CSMD1: variants seen among roughly 807,000 people sequenced by gnomAD.
The protein encoded by CSMD1 is CUB and sushi domain-containing protein 1.
In CSMD1, 213 loss-of-function variants were observed where a neutral mutation model predicts 417.5. The ratio of observed to expected loss-of-function variants is 0.51; its 90% CI spans 0.46 to 0.57. The LOEUF (loss-of-function observed/expected upper bound fraction) is 0.57. Ranked by LOEUF, CSMD1 falls within the 20% of genes least tolerant of loss-of-function variation. The pLI is 0.00. For synonymous variants in CSMD1, 2,862 were observed against 1,736.8 expected (o/e 1.65, Z -16.11); for missense variants, 6,923 against 4,529.7 (o/e 1.53, Z -15.17).
chr8:4,158,105 T>G (rs1199075087), intron 3 of CSMD1, among the ~76,000 whole-genome samples: 1 of 142,910 alleles, frequency 7.0e-6, no homozygotes, highest in Non-Finnish European at 1.5e-5. Context: ...TTTTTTTTTC[T>G]GTTTGAGCTT....
intron 1 of CSMD1, among the ~76,000 whole-genome samples, chr8:4,726,191 G>C (rs1187322830): frequency 2.6e-5 from 4 of 151,990 alleles, no homozygotes; most frequent in South Asian, 2.1e-4. Flanking sequence ...ATTACACTTG[G>C]AAGTTTTCAG....
At chr8:4,337,709 C>T (rs972691052) in intron 3 of CSMD1, among the ~76,000 whole-genome samples, 1 of 152,094 alleles carries the variant, frequency 6.6e-6, no homozygotes, top group Non-Finnish European at 1.5e-5. Flanking sequence ...TAAAAGAGTA[C>T]ACTCAAGTAT....
chr8:4,276,445 A>AG (rs774891327), intron 3 of CSMD1, among the ~76,000 whole-genome samples: 3 of 152,172 alleles, frequency 2.0e-5, no homozygotes, highest in Non-Finnish European at 4.4e-5. Context: ...GGACGCTTGG[A>AG]GGGGAACATC....
rs185741649 is a variant in CSMD1, at chr8:4,915,220, C to G, written c.85+79112G>C. Among the ~76,000 whole-genome samples the G allele has an allele frequency of 3.6e-3, 468 of 129,840 alleles. 3 individuals carry two copies. The highest frequency in any genetic ancestry group is 0.013 in the African/African-American group (448 of 35,216). The allele number at this position is 129,840 out of a possible 152,430, so 85.2% of individuals were successfully genotyped here. A position where few individuals can be genotyped will look rare whatever the true frequency, so the allele number is the denominator to read the frequency against. ...CATATACCTGTGTATTTATACATAA[C>G]ATATATATAAAATATGTATAACAAG... On this transcript the variant is annotated intron_variant, in intron 1 of 69. Transcript: ENST00000635120.
rs575897095 is a variant in CSMD1 at position 4,937,710 on chromosome 8, C to A, written c.85+56622G>T. ...GTTTCTTTAGGGGTATGAACGATTTCTTGACTTTACGCCTGAGCAGAGTAA... is the reference window on the plus strand; with the variant it reads ...GTTTCTTTAGGGGTATGAACGATTTATTGACTTTACGCCTGAGCAGAGTAA... On this transcript the variant is annotated intron_variant, in intron 1 of 69. Transcript: ENST00000635120. 2.6e-5 allele frequency among the ~76,000 whole-genome samples: 4 copies of A among 152,154 alleles called. 1 individual carries two copies. The highest frequency in any genetic ancestry group is 9.6e-5 in the African/African-American group (4 of 41,506).
chr8:4,090,611 A>G (rs1563110755), intron 3 of CSMD1, among the ~76,000 whole-genome samples: 1 of 152,336 alleles, frequency 6.6e-6, no homozygotes, highest in African/African-American at 2.4e-5. Flanking sequence ...TGATACACGA[A>G]TTCTCAGAAT....
At chr8:3,812,535 G>C (rs75840150) in intron 5 of CSMD1, among the ~76,000 whole-genome samples, 1 of 152,286 alleles carries the variant, frequency 6.6e-6, no homozygotes. Context: ...GAGTTCAAAA[G>C]CTAAGCTGAA....
intron 39 of CSMD1, among the ~76,000 whole-genome samples, chr8:3,157,147 A>G (rs192680610): frequency 6.6e-6 from 1 of 152,226 alleles, no homozygotes; most frequent in Admixed American, 6.5e-5. Context: ...CAGTACCTGC[A>G]AGGTTGAATG....
chr8:3,488,606 G>C lies in CSMD1; in HGVS notation c.1448+5017C>G, dbSNP rs73660052. ...TAGGCTAATTCCTCCTCAAGGCTAG[G>C]ACAATGGCTTATTCTCTCTCTGCCT... On this transcript the variant is annotated intron_variant, in intron 11 of 69. Transcript: ENST00000635120. Among the ~76,000 whole-genome samples, 10 of 152,280 alleles carry C rather than the reference G, an allele frequency of 6.6e-5. 1 individual carries two copies. In the South Asian group the frequency reaches 1.9e-3, roughly 28 times the overall value.
At chr8:3,411,771 T>G (rs1264212292) in intron 12 of CSMD1, among the ~76,000 whole-genome samples, 1 of 123,370 alleles carries the variant, frequency 8.1e-6, no homozygotes, top group Non-Finnish European at 1.7e-5. Flanking sequence ...TGTATATACG[T>G]GTGTATATAC....
chr8:4,195,721 CA>C (rs1799297882), intron 3 of CSMD1, among the ~76,000 whole-genome samples: 1 of 152,156 alleles, frequency 6.6e-6, no homozygotes. Flanking sequence ...AAATGGCCCC[CA>C]GACAGCAAAA....
intron 36 of CSMD1, among the ~76,000 whole-genome samples, chr8:3,183,613 T>A (rs901264974): frequency 6.7e-6 from 1 of 148,390 alleles, no homozygotes; most frequent in Non-Finnish European, 1.5e-5. Flanking sequence ...AGGTCTCTAA[T>A]GTTTCTTAAC....
In CSMD1 at chr8:4,802,175, T is replaced by C. The variant is rs118049472; in HGVS notation, c.86-164617A>G. ...ATTGCACAAAGGAACTCATTTAGAT[T>C]AGTTATGCTATCTATAGGATGCTCA... is the stretch of plus-strand genomic sequence containing the variant. On this transcript the variant is annotated intron_variant, in intron 1 of 69. Transcript: ENST00000635120. 5.9e-5 allele frequency among the ~76,000 whole-genome samples: 9 copies of C among 152,340 alleles called. No homozygotes were observed. The East Asian group carries it at 1.7e-3, about 29-fold the overall frequency.
intron 10 of CSMD1, among the ~76,000 whole-genome samples, chr8:3,513,661 C>A (rs966523037): frequency 1.3e-5 from 2 of 152,156 alleles, no homozygotes; most frequent in Non-Finnish European, 2.9e-5. Flanking sequence ...GTCTACCAGC[C>A]AATATGCCAG....
chr8:4,792,173 C>T (rs542343278), intron 1 of CSMD1, among the ~76,000 whole-genome samples: 1 of 151,996 alleles, frequency 6.6e-6, no homozygotes, highest in Admixed American at 6.6e-5. Context: ...CTTTCTTTCC[C>T]ATAGGTATTT....
chr8:3,449,945 C>G (rs1262275162), intron 12 of CSMD1, among the ~76,000 whole-genome samples: 2 of 152,228 alleles, frequency 1.3e-5, no homozygotes. Context: ...TCTTAAGACT[C>G]ACACAGCTTG....
intron 5 of CSMD1, among the ~76,000 whole-genome samples, chr8:3,910,148 C>T (rs1808369338): frequency 6.6e-6 from 1 of 152,158 alleles, no homozygotes; most frequent in South Asian, 2.1e-4. Flanking sequence ...TTTCTTACAA[C>T]TTATGTCGGA....
chr8:4,991,327 A>T (rs1454665911), intron 1 of CSMD1, among the ~76,000 whole-genome samples: 3 of 152,220 alleles, frequency 2.0e-5, no homozygotes, highest in Non-Finnish European at 4.4e-5. Flanking sequence ...ATAATCCAGA[A>T]GAAAAAGGAA....
At chr8:3,318,499 A>C (rs1017441697) in intron 23 of CSMD1, among the ~76,000 whole-genome samples, 1 of 152,082 alleles carries the variant, frequency 6.6e-6, no homozygotes, top group Non-Finnish European at 1.5e-5. Flanking sequence ...ATAAAAGATA[A>C]CATATAAAAG....
Sources: gnomAD v4.1 joint callset for allele counts (sites outside exome capture counted in the v4.1 genomes callset) on GRCh38, gnomAD v4.1.1 for gene constraint, MANE v1.5 for transcripts, NCBI Gene and HGNC (gene_info 2026-07-23, HGNC 2026-07-21) for gene names.